The following DDI2 variants were observed in gnomAD, a reference collection of about 807,000 sequenced individuals.
The protein encoded by DDI2 is DDI proteasomal shuttling factor 2.
Under a neutral mutation model 48.1 loss-of-function variants are expected in DDI2, and 5 were observed. The observed-to-expected ratio is 0.10, with a 90% CI of 0.05 to 0.22. The LOEUF (loss-of-function observed/expected upper bound fraction) is 0.22. DDI2 is among the 10% of genes least tolerant of loss of function. The pLI, the probability that DDI2 is intolerant of heterozygous loss-of-function variation, is 1.00. For missense variants in DDI2, 285 were observed against 506.2 expected, an observed-to-expected ratio of 0.56 and a Z score of 4.19; for synonymous variants, 205 against 183.6, an observed-to-expected ratio of 1.12 and a Z score of -0.94.
intron 5 of DDI2, among the ~76,000 whole-genome samples, chr1:15,639,962 T>G (rs1639981764): frequency 6.6e-6 from 1 of 151,056 alleles, no homozygotes; most frequent in Non-Finnish European, 1.5e-5. Context: ...GGGCTTGCAG[T>G]GAGCTGTGAT....
At chr1:15,619,100 A>T (rs6429762) in intron 1 of DDI2, among the ~76,000 whole-genome samples, 69 of 152,086 alleles carry the variant, frequency 4.5e-4, no homozygotes, top group African/African-American at 1.6e-3. Context: ...TAGAGAAAAT[A>T]AACTCTTCAA....
intron 7 of DDI2, among the ~76,000 whole-genome samples, chr1:15,651,404 T>C (rs935657768): frequency 2.6e-4 from 40 of 151,910 alleles, no homozygotes; most frequent in Admixed American, 2.6e-3. Context: ...CTGCAACCTC[T>C]GCCTCGCAGG....
Position 15,662,049 on chromosome 1 carries a change from A to G in DDI2, c.*2259A>G, listed in dbSNP as rs138159840. On this transcript the variant is annotated 3_prime_UTR_variant, in exon 10 of 10. Transcript: ENST00000480945. ...GTGTGTAGCATACTGTTTTAGAATG[A>G]GAGTAAATGCTTTGAAAAGCAGAAG... 3.7e-3 allele frequency: 730 copies of G among 195,240 alleles called. 9 individuals carry two copies. Among genetic ancestry groups the G allele is most frequent in the African/African-American group, 0.016 (705 of 42,836 alleles). The allele number at this position is 195,240 out of a possible 1,614,324, so 12.1% of individuals were successfully genotyped here. A position where few individuals can be genotyped will look rare whatever the true frequency, so the allele number is the denominator to read the frequency against.
At chr1:15,624,945 A>AT (rs1363568594) in intron 1 of DDI2, among the ~76,000 whole-genome samples, 1 of 151,946 alleles carries the variant, frequency 6.6e-6, no homozygotes, top group Non-Finnish European at 1.5e-5. Flanking sequence ...ACTTAATAGT[A>AT]TTTTTTTTCA....
chr1:15,623,122 G>A (rs12077748), intron 1 of DDI2, among the ~76,000 whole-genome samples: 4,856 of 152,212 alleles, frequency 0.032, 264 homozygotes, highest in African/African-American at 0.11. Context: ...AGTGAAGTAT[G>A]GCATCTGTGA....
At chr1:15,620,649 C>T (rs945457003) in intron 1 of DDI2, among the ~76,000 whole-genome samples, 2 of 152,040 alleles carry the variant, frequency 1.3e-5, no homozygotes, top group African/African-American at 4.8e-5. Context: ...TTCATGTATC[C>T]CTATCAGTAA....
At chr1:15,632,946 AG>A (rs1249294173) in intron 3 of DDI2, among the ~76,000 whole-genome samples, 1 of 120,174 alleles carries the variant, frequency 8.3e-6, no homozygotes, top group Non-Finnish European at 1.7e-5. Flanking sequence ...AAAAAAAAAC[AG>A]GGTCTCACCA....
chr1:15,633,912 G>T, intron 4 of DDI2: 1 of 431,824 alleles, frequency 2.3e-6, no homozygotes, highest in Non-Finnish European at 4.6e-6. Flanking sequence ...ATATTACATG[G>T]GCTGATTTGA....
At chr1:15,643,719 A>G in intron 6 of DDI2, 69 bp downstream of exon 6, 1 of 1,560,792 alleles carries the variant, frequency 6.4e-7, no homozygotes, top group East Asian at 2.3e-5. Context: ...TCGATTTTCA[A>G]GTTTTTAGAG....
rs1020134409 is a variant in DDI2 at position 15,661,063 on chromosome 1, T to C, written c.*1273T>C. On this transcript the variant is annotated 3_prime_UTR_variant, in exon 10 of 10. Coordinates refer to ENST00000480945, the MANE Select transcript of DDI2 (RefSeq NM_032341.5). ...CAGTATTAAAGACCTTTCTGAAAGA[T>C]GGACCCAAAATGAGCATCTTACCCA... 2 of 1,614,180 alleles carry C rather than the reference T, an allele frequency of 1.2e-6. No individual in the cohort carries two copies. The highest frequency in any genetic ancestry group is 1.3e-5 in the African/African-American group (1 of 75,066).
chr1:15,663,947 G>A lies in DDI2; in HGVS notation c.*4157G>A, dbSNP rs977914168. On this transcript the variant is annotated 3_prime_UTR_variant, in exon 10 of 10. Transcript: ENST00000480945. Reference sequence around the variant, plus strand: ...TATCAGTCGGGAAAAGATTTCATTAGGATAGCTTTTTGTGTATGTATATGT... The same window carrying A: ...TATCAGTCGGGAAAAGATTTCATTAAGATAGCTTTTTGTGTATGTATATGT... 1.3e-5 allele frequency: 2 copies of A among 152,150 alleles called. No homozygotes were observed. The highest frequency in any genetic ancestry group is 2.9e-5 in the Non-Finnish European group (2 of 68,032). 9.4% of individuals were successfully genotyped at this position (152,150 alleles called of 1,614,324 possible).
intron 8 of DDI2, among the ~76,000 whole-genome samples, chr1:15,654,673 AC>A (rs1265748980): frequency 3.3e-5 from 5 of 150,014 alleles, no homozygotes; most frequent in African/African-American, 9.8e-5. Context: ...AAAAAAAAAA[AC>A]AACAGAATTG....
intron 3 of DDI2, among the ~76,000 whole-genome samples, chr1:15,632,111 G>T (rs1020438282): frequency 6.6e-6 from 1 of 152,080 alleles, no homozygotes; most frequent in Non-Finnish European, 1.5e-5. Context: ...GCTCGTGTTA[G>T]GCTTTTCACT....
At chr1:15,638,778 A>G (rs1284940977) in intron 5 of DDI2, among the ~76,000 whole-genome samples, 1 of 151,850 alleles carries the variant, frequency 6.6e-6, no homozygotes, top group Non-Finnish European at 1.5e-5. Context: ...CAAGTGATCC[A>G]CCGTGCCTGG....
chr1:15,635,203 TG>T (rs1639909057), intron 4 of DDI2, among the ~76,000 whole-genome samples: 1 of 147,972 alleles, frequency 6.8e-6, no homozygotes, highest in African/African-American at 2.5e-5. Context: ...CATTCCAACC[TG>T]GGCAAGAGAG....
chr1:15,630,913 G>C (rs1639833140), intron 3 of DDI2, among the ~76,000 whole-genome samples: 1 of 152,128 alleles, frequency 6.6e-6, no homozygotes, highest in Non-Finnish European at 1.5e-5. Flanking sequence ...GTGCAATCTT[G>C]GCTCACTGCC....
chr1:15,664,672 G>C lies in DDI2; in HGVS notation c.*4882G>C, dbSNP rs916711015. On this transcript the variant is annotated 3_prime_UTR_variant, in exon 10 of 10. Coordinates refer to ENST00000480945, the MANE Select transcript of DDI2 (RefSeq NM_032341.5). Reference sequence around the variant, plus strand: ...TAACCAGTAATGGGCACCTTTACCGGACAGCTCCTTTACCATAACCAGTAG... The same window carrying C: ...TAACCAGTAATGGGCACCTTTACCGCACAGCTCCTTTACCATAACCAGTAG... 1.3e-5 allele frequency: 2 copies of C among 152,078 alleles called. No individual in the cohort carries two copies. Among genetic ancestry groups the C allele is most frequent in the Non-Finnish European group, 2.9e-5 (2 of 68,016 alleles). 9.4% of individuals were successfully genotyped at this position (152,078 alleles called of 1,614,324 possible).
rs1221158413 is a variant in DDI2 at position 15,668,339 on chromosome 1, C to T, written c.*8549C>T. Reference sequence around the variant, plus strand: ...ATCTTCACAGCTGAGTTTATGGCACCCATCCAAGACCTTCCCATTTGAATG... The same window carrying T: ...ATCTTCACAGCTGAGTTTATGGCACTCATCCAAGACCTTCCCATTTGAATG... On this transcript the variant is annotated 3_prime_UTR_variant, in exon 10 of 10. Coordinates refer to ENST00000480945, the MANE Select transcript of DDI2 (RefSeq NM_032341.5). 6.6e-6 allele frequency: 1 copy of T among 152,134 alleles called. No individual in the cohort carries two copies. Among genetic ancestry groups the T allele is most frequent in the East Asian group, 1.9e-4 (1 of 5,200 alleles). 9.4% of individuals were successfully genotyped at this position (152,134 alleles called of 1,614,324 possible). A position where few individuals can be genotyped will look rare whatever the true frequency, so the allele number is the denominator to read the frequency against.
At chr1:15,643,253 T>C (rs1640038080) in intron 5 of DDI2, among the ~76,000 whole-genome samples, 1 of 152,236 alleles carries the variant, frequency 6.6e-6, no homozygotes, top group Non-Finnish European at 1.5e-5. Context: ...TGCTTTCTAC[T>C]GGTAAAGTCT....
Sources: allele counts gnomAD v4.1 joint callset (sites outside exome capture counted in the v4.1 genomes callset), GRCh38; gene constraint gnomAD v4.1.1; transcripts MANE v1.5; gene names NCBI Gene and HGNC (gene_info 2026-07-23, HGNC 2026-07-21).